LONP2: variants seen among roughly 807,000 people sequenced by gnomAD.
The protein encoded by LONP2 is lon protease homolog 2, peroxisomal.
A neutral mutation model predicts 85.6 loss-of-function variants in LONP2; 60 were observed. The ratio of observed to expected loss-of-function variants is 0.70; its 90% CI spans 0.57 to 0.87. The LOEUF (loss-of-function observed/expected upper bound fraction) is 0.87, where lower values mean the gene tolerates loss of function less well. LONP2 is among the 40% of genes least tolerant of loss of function. The pLI is 0.00. For synonymous variants in LONP2, 395 were observed against 389.7 expected (o/e 1.01, Z -0.16); for missense variants, 860 against 1,063.5 (o/e 0.81, Z 2.66).
At chr16:48,338,678 C>T (rs577252035) in intron 12 of LONP2, among the ~76,000 whole-genome samples, 1 of 152,088 alleles carries the variant, frequency 6.6e-6, no homozygotes, top group South Asian at 2.1e-4. Flanking sequence ...GAGGCTGAGG[C>T]AGGTGGATTG....
At chr16:48,295,993 A>T in intron 8 of LONP2, 22 bp from the exon 9 acceptor site, 1 of 1,607,252 alleles carries the variant, frequency 6.2e-7, no homozygotes, top group Non-Finnish European at 8.5e-7. Context: ...AAGTTTTTAA[A>T]ATGTTTTTTG....
intron 6 of LONP2, among the ~76,000 whole-genome samples, chr16:48,268,452 CATG>C (rs1038912657): frequency 2.0e-5 from 3 of 152,096 alleles, no homozygotes; most frequent in Non-Finnish European, 4.4e-5. Context: ...TCTTCTTGAA[CATG>C]ATGACATTGA....
downstream of LONP2, chr16:48,360,682 C>A (rs1259970068): frequency 6.6e-6 from 1 of 152,526 alleles, no homozygotes; most frequent in Non-Finnish European, 1.5e-5. Flanking sequence ...AATACAAGAA[C>A]AAATTTTAAA....
chr16:48,335,179 T>C (rs200141033), intron 12 of LONP2, among the ~76,000 whole-genome samples: 1 of 152,176 alleles, frequency 6.6e-6, no homozygotes, highest in Non-Finnish European at 1.5e-5. Flanking sequence ...ATGTGTACTT[T>C]AAGGAGGGAT....
At chr16:48,300,217 A>G (rs1223097983) in intron 10 of LONP2, among the ~76,000 whole-genome samples, 1 of 152,220 alleles carries the variant, frequency 6.6e-6, no homozygotes, top group Non-Finnish European at 1.5e-5. Context: ...CTTTCAGATA[A>G]TCTGATTTAA....
intron 12 of LONP2, among the ~76,000 whole-genome samples, chr16:48,337,208 ACAGTAC>A (rs1199517722): frequency 7.9e-5 from 12 of 152,208 alleles, no homozygotes; most frequent in Non-Finnish European, 1.5e-5. Flanking sequence ...CTACCTTTCT[ACAGTAC>A]CCTGTCAGGC....
chr16:48,292,497 C>G (rs1334057181), intron 8 of LONP2, among the ~76,000 whole-genome samples: 1 of 152,182 alleles, frequency 6.6e-6, no homozygotes, highest in Non-Finnish European at 1.5e-5. Context: ...TCCTTTCACA[C>G]TCTTCCTGAG....
chr16:48,244,493 G>T lies in LONP2; in HGVS notation c.105G>T (p.Ser35=). The change falls in exon 1 of 15, where the codon TCG becomes TCT. Residue 35 remains serine (S), a synonymous_variant. Transcript: ENST00000285737. ...CCACCATGCGCACCAGCGTGGACTC[G>T]GCCCGCAACCTGCAGCTGGTGCGGA... ...PGSTMRTSVD[S]ARNLQLVRSR... The T allele has an allele frequency of 6.3e-7, 1 of 1,599,124 alleles. No homozygotes were observed. Among genetic ancestry groups the T allele is most frequent in the Non-Finnish European group, 8.5e-7 (1 of 1,176,594 alleles).
intron 12 of LONP2, among the ~76,000 whole-genome samples, chr16:48,341,436 G>T (rs993957026): frequency 2.0e-5 from 3 of 152,208 alleles, no homozygotes; most frequent in Admixed American, 2.0e-4. Context: ...AAGAGTGCAG[G>T]AGGGGAGGTG....
intron 12 of LONP2, among the ~76,000 whole-genome samples, chr16:48,346,785 G>C (rs1460122789): frequency 1.3e-5 from 2 of 152,216 alleles, no homozygotes; most frequent in East Asian, 3.9e-4. Flanking sequence ...CTGCTAGTAA[G>C]AGGGTTTCTA....
At chr16:48,297,424 C>T (rs1972696896) in intron 9 of LONP2, among the ~76,000 whole-genome samples, 1 of 152,048 alleles carries the variant, frequency 6.6e-6, no homozygotes, top group South Asian at 2.1e-4. Flanking sequence ...ATTCTTGTGC[C>T]TCAGCCTCCT....
In LONP2 at chr16:48,354,793, G is replaced by A. The variant is rs1960275567; in HGVS notation, c.*2991G>A. The A allele has an allele frequency of 6.6e-6, 1 of 152,172 alleles. No individual in the cohort carries two copies. Among genetic ancestry groups the A allele is most frequent in the Non-Finnish European group, 1.5e-5 (1 of 68,030 alleles). 9.4% of individuals were successfully genotyped at this position (152,172 alleles called of 1,614,324 possible). A position where few individuals can be genotyped will look rare whatever the true frequency, so the allele number is the denominator to read the frequency against. ...CACTCTTTTTCTTCAAAATAATGGG[G>A]TGCAGAAGGGTAGGGATGAACCTCT... On this transcript the variant is annotated 3_prime_UTR_variant, in exon 15 of 15. Coordinates refer to ENST00000285737, the MANE Select transcript of LONP2 (RefSeq NM_031490.5).
rs55941544 is a variant in LONP2 at position 48,297,589 on chromosome 16, G to A, written c.1534+1424G>A. On this transcript the variant is annotated intron_variant, in intron 9 of 14. Transcript: ENST00000285737. ...CCTCCAAAGTGCTGGGATTACAGGC[G>A]TGAACCGCCACACTCGGCCCTAAAT... Among the ~76,000 whole-genome samples the A allele has an allele frequency of 1.7e-3, 260 of 152,324 alleles. 2 individuals carry two copies. Among genetic ancestry groups the A allele is most frequent in the South Asian group, 3.7e-3 (18 of 4,834 alleles).
intron 12 of LONP2, chr16:48,345,736 T>A (rs748217516): frequency 4.6e-5 from 7 of 152,168 alleles, no homozygotes; most frequent in Non-Finnish European, 1.0e-4. Flanking sequence ...TTTTTTAATG[T>A]ATGTTTACTA....
chr16:48,279,061 C>T (rs1972271836), intron 8 of LONP2, among the ~76,000 whole-genome samples: 1 of 152,016 alleles, frequency 6.6e-6, no homozygotes, highest in Non-Finnish European at 1.5e-5. Flanking sequence ...TATATCTTAT[C>T]TCCATGAGAA....
At chr16:48,342,710 T>A (rs114478514) in intron 12 of LONP2, among the ~76,000 whole-genome samples, 76 of 152,320 alleles carry the variant, frequency 5.0e-4, no homozygotes, top group African/African-American at 1.7e-3. Context: ...AATCTACAAC[T>A]AGAAAAATCA....
At chr16:48,308,128 G>A (rs1390889958) in intron 11 of LONP2, among the ~76,000 whole-genome samples, 1 of 152,142 alleles carries the variant, frequency 6.6e-6, no homozygotes, top group Non-Finnish European at 1.5e-5. Context: ...CATGGTACTG[G>A]TATAAAAATA....
At chr16:48,250,765 T>G (rs1971624858) in intron 1 of LONP2, among the ~76,000 whole-genome samples, 1 of 152,208 alleles carries the variant, frequency 6.6e-6, no homozygotes, top group Non-Finnish European at 1.5e-5. Context: ...TCTAATCAGT[T>G]TAGAGGTGGC....
intron 8 of LONP2, among the ~76,000 whole-genome samples, chr16:48,294,725 C>T (rs1194529431): frequency 1.3e-5 from 2 of 152,020 alleles, no homozygotes; most frequent in African/African-American, 4.8e-5. Context: ...CAAAATGAGA[C>T]TCTGTCTCAA....
Sources: gnomAD v4.1 joint callset for allele counts (sites outside exome capture counted in the v4.1 genomes callset) on GRCh38, gnomAD v4.1.1 for gene constraint, MANE v1.5 for transcripts, NCBI Gene and HGNC (gene_info 2026-07-23, HGNC 2026-07-21) for gene names.